RORB: variants seen among roughly 807,000 people sequenced by gnomAD.
RORB encodes the protein RAR related orphan receptor B.
A neutral mutation model predicts 59.1 loss-of-function variants in RORB; 6 were observed. That is an observed-to-expected ratio of 0.10 (90% confidence interval 0.06 to 0.20). The LOEUF is 0.20. Ranked by LOEUF, RORB falls within the 10% of genes least tolerant of loss-of-function variation. RORB has a pLI of 1.00. For synonymous variants in RORB, 215 were observed against 204.5 expected, an observed-to-expected ratio of 1.05 and a Z score of -0.44; for missense variants, 320 against 560.5, an observed-to-expected ratio of 0.57 and a Z score of 4.33.
At chr9:74,560,405 T>C (rs1822377083) in intron 1 of RORB, among the ~76,000 whole-genome samples, 1 of 152,172 alleles carries the variant, frequency 6.6e-6, no homozygotes, top group African/African-American at 2.4e-5. Flanking sequence ...ACATAAAGTG[T>C]ATTAAAGAGC....
intron 1 of RORB, among the ~76,000 whole-genome samples, chr9:74,570,159 G>A (rs1822530045): frequency 6.6e-6 from 1 of 152,002 alleles, no homozygotes; most frequent in South Asian, 2.1e-4. Flanking sequence ...TATTTTTAAT[G>A]GAAGGATGTT....
intron 1 of RORB, among the ~76,000 whole-genome samples, chr9:74,587,296 G>A (rs759621513): frequency 6.6e-6 from 1 of 152,110 alleles, no homozygotes; most frequent in African/African-American, 2.4e-5. Flanking sequence ...TTTATCAGAA[G>A]TTACTGTTAT....
chr9:74,617,509 T>C lies in RORB; in HGVS notation c.8-12773T>C, dbSNP rs146813483. Among the ~76,000 whole-genome samples the C allele has an allele frequency of 4.4e-3, 664 of 152,336 alleles. 6 individuals carry two copies. The highest frequency in any genetic ancestry group is 0.015 in the African/African-American group (621 of 41,578). The stretch of plus-strand genomic sequence containing the variant: ...GGGATTAGGTGCAGCATGCTGGATC[T>C]GATGCGCTCAAATATAAGATATCTC... On this transcript the variant is annotated intron_variant, in intron 1 of 9. Coordinates refer to ENST00000376896, the MANE Select transcript of RORB (RefSeq NM_006914.4).
rs370759263 is a variant in RORB at position 74,626,092 on chromosome 9, G to A, written c.8-4190G>A. Among the ~76,000 whole-genome samples, 5 of 152,262 alleles carry A rather than the reference G, an allele frequency of 3.3e-5. No individual in the cohort carries two copies. In the East Asian group the frequency reaches 7.7e-4, roughly 23 times the overall value. ...TGTGTTTTGACATGCAGGAAGAAGT[G>A]AAAACATGGTAGTTTTGTGCAAAGT... On this transcript the variant is annotated intron_variant, in intron 1 of 9. Transcript: ENST00000376896.
At chr9:74,532,803 C>T (rs1018143916) in intron 1 of RORB, among the ~76,000 whole-genome samples, 4 of 140,228 alleles carry the variant, frequency 2.9e-5, no homozygotes, top group Non-Finnish European at 3.1e-5. Context: ...TACATAGATA[C>T]GTATATATAT....
chr9:74,542,907 A>G (rs895649266), intron 1 of RORB, among the ~76,000 whole-genome samples: 1 of 152,196 alleles, frequency 6.6e-6, no homozygotes, highest in Non-Finnish European at 1.5e-5. Context: ...CAGGCAACGT[A>G]CTTAAGCCTT....
chr9:74,570,100 G>A (rs1422781000), intron 1 of RORB, among the ~76,000 whole-genome samples: 2 of 151,990 alleles, frequency 1.3e-5, no homozygotes, highest in Admixed American at 1.3e-4. Flanking sequence ...CTTCTTTGGA[G>A]TGAATAGAGA....
chr9:74,661,485 T>A (rs1051456362), intron 5 of RORB, among the ~76,000 whole-genome samples: 1 of 152,158 alleles, frequency 6.6e-6, no homozygotes, highest in African/African-American at 2.4e-5. Context: ...TGTGTCGCTA[T>A]GGTCAATAAA....
intron 1 of RORB, among the ~76,000 whole-genome samples, chr9:74,513,246 C>T (rs986375989): frequency 5.3e-5 from 8 of 151,826 alleles, no homozygotes; most frequent in Non-Finnish European, 7.4e-5. Context: ...GATGTGAAAC[C>T]CCATTACATC....
Position 74,692,151 on chromosome 9 carries a change from A to G in RORB, c.*6533A>G, listed in dbSNP as rs1174929834. 3 of 152,152 alleles carry G rather than the reference A, an allele frequency of 2.0e-5. No homozygotes were observed. The highest frequency in any genetic ancestry group is 4.8e-5 in the African/African-American group (2 of 41,440). 9.4% of individuals were successfully genotyped at this position (152,152 alleles called of 1,614,324 possible). A position where few individuals can be genotyped will look rare whatever the true frequency, so the allele number is the denominator to read the frequency against. ...CTGAAGCCATAACTGACCTTCACCAAATAAATGTTGTAAAGAACCTAGGGG... is the reference window on the plus strand; with the variant it reads ...CTGAAGCCATAACTGACCTTCACCAGATAAATGTTGTAAAGAACCTAGGGG... On this transcript the variant is annotated 3_prime_UTR_variant, in exon 10 of 10. Coordinates refer to ENST00000376896, the MANE Select transcript of RORB (RefSeq NM_006914.4).
Position 74,497,829 on chromosome 9 carries a change from C to T in RORB, c.-148C>T. On this transcript the variant is annotated 5_prime_UTR_variant, in exon 1 of 10. It adds an upstream start codon to the 5' untranslated region. Transcript: ENST00000376896. ...GGCGGCAAACGTCACCCTGCAGCCA[C>T]GGCGTCCGCCTAAAGGGATGGTTTT... is the stretch of plus-strand genomic sequence containing the variant. 1 of 881,960 alleles carries T rather than the reference C, an allele frequency of 1.1e-6. No homozygotes were observed. The highest frequency in any genetic ancestry group is 1.8e-6 in the Non-Finnish European group (1 of 567,740). The allele number at this position is 881,960 out of a possible 1,614,324, so 54.6% of individuals were successfully genotyped here. A position where few individuals can be genotyped will look rare whatever the true frequency, so the allele number is the denominator to read the frequency against.
chr9:74,583,811 A>G (rs769038700), intron 1 of RORB, among the ~76,000 whole-genome samples: 28 of 152,310 alleles, frequency 1.8e-4, no homozygotes, highest in South Asian at 1.2e-3. Flanking sequence ...GAATCCAAAT[A>G]TGCTCAGTGT....
chr9:74,546,881 T>C (rs1004369779), intron 1 of RORB, among the ~76,000 whole-genome samples: 4 of 152,004 alleles, frequency 2.6e-5, no homozygotes, highest in Non-Finnish European at 4.4e-5. Context: ...GGATCAAAAT[T>C]TGGGAGTTTG....
chr9:74,607,375 G>C (rs566874299), intron 1 of RORB, among the ~76,000 whole-genome samples: 1 of 152,292 alleles, frequency 6.6e-6, no homozygotes, highest in Admixed American at 6.5e-5. Context: ...ACTGAGTTGA[G>C]GATTGTAACG....
In RORB at chr9:74,685,607, G is replaced by T. The variant is rs749536178; in HGVS notation, c.1369G>T (p.Gly457Cys). 1.3e-6 allele frequency: 2 copies of T among 1,593,074 alleles called. No homozygotes were observed. Among genetic ancestry groups the T allele is most frequent in the Non-Finnish European group, 1.7e-6 (2 of 1,164,484 alleles). ...GCTCTTTAATCCTGACTGTGCCACCGGCTGCAAATGAAGGGGACAAGAGAA... is the reference window on the plus strand; with the variant it reads ...GCTCTTTAATCCTGACTGTGCCACCTGCTGCAAATGAAGGGGACAAGAGAA... ...KELFNPDCAT[G>C]CK Residue 457 changes from glycine to cysteine, a missense_variant, in exon 10 of 10, where the codon GGC becomes TGC. Coordinates refer to ENST00000376896, the MANE Select transcript of RORB (RefSeq NM_006914.4).
intron 4 of RORB, among the ~76,000 whole-genome samples, chr9:74,644,209 G>C (rs979925186): frequency 6.6e-6 from 1 of 152,102 alleles, no homozygotes; most frequent in Admixed American, 6.6e-5. Flanking sequence ...AACCTGAAGC[G>C]TTATTTCTCC....
Position 74,547,438 on chromosome 9 carries a change from A to G in RORB, c.7+49455A>G, listed in dbSNP as rs891805974. Among the ~76,000 whole-genome samples, 3 of 152,196 alleles carry G rather than the reference A, an allele frequency of 2.0e-5. 1 individual carries two copies. The South Asian group carries it at 6.2e-4, about 32-fold the overall frequency. On this transcript the variant is annotated intron_variant, in intron 1 of 9. Transcript: ENST00000376896. Reference sequence around the variant, plus strand: ...AGACCTTCTACCAATATTGAAGGAGATAGAGTTAGGATTGGGGAACCAAAA... The same window carrying G: ...AGACCTTCTACCAATATTGAAGGAGGTAGAGTTAGGATTGGGGAACCAAAA...
chr9:74,510,644 T>G (rs1288767677), intron 1 of RORB, among the ~76,000 whole-genome samples: 1 of 152,152 alleles, frequency 6.6e-6, no homozygotes, highest in Non-Finnish European at 1.5e-5. Flanking sequence ...AGGACAGGTA[T>G]GAATAGGAAT....
intron 1 of RORB, among the ~76,000 whole-genome samples, chr9:74,580,489 C>T (rs1037191387): frequency 1.3e-5 from 2 of 152,140 alleles, no homozygotes; most frequent in Admixed American, 6.5e-5. Flanking sequence ...AAGACCAAGA[C>T]AAGAGTAAAG....
Sources: allele counts gnomAD v4.1 joint callset (sites outside exome capture counted in the v4.1 genomes callset), GRCh38; gene constraint gnomAD v4.1.1; transcripts MANE v1.5; gene names NCBI Gene and HGNC (gene_info 2026-07-23, HGNC 2026-07-21).